The following PMF1 variants were observed in gnomAD, a reference collection of about 807,000 sequenced individuals.
PMF1 encodes the protein polyamine-modulated factor 1.
In PMF1, 21 loss-of-function variants were observed where a neutral mutation model predicts 26.7. The ratio of observed to expected loss-of-function variants is 0.79; its 90% confidence interval spans 0.56 to 1.13. PMF1 has a LOEUF of 1.13. Among genes scored for constraint, PMF1 ranks in the 50% most tolerant of loss-of-function variants. The probability of loss-of-function intolerance (pLI) is 0.00; values close to 1 mark genes in which losing one functional copy is unlikely to be tolerated. For synonymous variants in PMF1, 105 were observed against 101.0 expected (o/e 1.04, Z -0.24); for missense variants, 266 against 254.9 (o/e 1.04, Z -0.30).
chr1:156,231,982 G>T (rs1176904069), intron 1 of PMF1, among the ~76,000 whole-genome samples: 1 of 152,194 alleles, frequency 6.6e-6, no homozygotes, highest in Non-Finnish European at 1.5e-5. Context: ...ATGACCAGAG[G>T]CTCTCAAAGT....
At chr1:156,236,588 G>A (rs1572507009) in intron 4 of PMF1, 105 bp downstream of exon 4, 2 of 1,421,912 alleles carry the variant, frequency 1.4e-6, no homozygotes, top group African/African-American at 1.4e-5. Flanking sequence ...CCCACAGGGG[G>A]TAGGAGAGCT....
intron 1 of PMF1, among the ~76,000 whole-genome samples, chr1:156,217,829 A>C (rs1657862187): frequency 6.6e-6 from 1 of 152,086 alleles, no homozygotes; most frequent in Non-Finnish European, 1.5e-5. Context: ...TGCATCCACC[A>C]CTTACCCATT....
At chr1:156,229,590 G>C (rs2758604) in intron 1 of PMF1, among the ~76,000 whole-genome samples, 14,013 of 150,056 alleles carry the variant, frequency 0.093, 898 homozygotes, top group African/African-American at 0.18. Context: ...TTTTTTTTGA[G>C]ATGGAGTGTC....
intron 4 of PMF1, 163 bp downstream of exon 4, chr1:156,236,646 G>T: frequency 1.1e-6 from 1 of 917,452 alleles, no homozygotes. Flanking sequence ...GGCGTGTGCA[G>T]TAGCCTCTGC....
At chr1:156,217,818 A>G (rs1441330151) in intron 1 of PMF1, among the ~76,000 whole-genome samples, 5 of 152,106 alleles carry the variant, frequency 3.3e-5, no homozygotes, top group African/African-American at 9.7e-5. Flanking sequence ...AGTCCTTGAT[A>G]TGCATCCACC....
chr1:156,226,431 C>A (rs982077954), intron 1 of PMF1, among the ~76,000 whole-genome samples: 2 of 152,204 alleles, frequency 1.3e-5, no homozygotes, highest in African/African-American at 4.8e-5. Context: ...CTGGTTCTTA[C>A]CCCTGCTGGG....
At chr1:156,236,194 T>C (rs1658999706) in intron 3 of PMF1, 94 bp from the exon 4 acceptor site, 1 of 1,514,722 alleles carries the variant, frequency 6.6e-7, no homozygotes, top group Admixed American at 2.0e-5. Flanking sequence ...TGGGACAAGG[T>C]GGGCATGTCA....
chr1:156,213,079 T>A lies in PMF1; in HGVS notation c.64T>A (p.Ser22Thr). Residue 22 changes from serine (S) to threonine (T), a missense_variant, in exon 1 of 5, where the codon TCT (serine) becomes ACT (threonine). By Grantham distance (58) the Ser-to-Thr change is moderately conservative. Transcript: ENST00000368277. ...GCEEKRHEGSSSESVPPGTTI... is the reference protein window; with the variant it reads ...GCEEKRHEGSTSESVPPGTTI... ...TGAGGAAAAAAGGCATGAGGGGTCG[T>A]CTTCGGAATCTGTGCCACCCGGCAC... 1 of 1,614,212 alleles carries A rather than the reference T, an allele frequency of 6.2e-7. No individual in the cohort carries two copies. Among genetic ancestry groups the A allele is most frequent in the South Asian group, 1.1e-5 (1 of 91,078 alleles).
chr1:156,224,748 A>AG (rs1658262620), intron 1 of PMF1, among the ~76,000 whole-genome samples: 1 of 151,846 alleles, frequency 6.6e-6, no homozygotes. Flanking sequence ...TGGGCGACAG[A>AG]GTGAGACTCC....
intron 1 of PMF1, among the ~76,000 whole-genome samples, chr1:156,219,504 T>TGTCTCTGCCA (rs1657965994): frequency 6.6e-6 from 1 of 152,226 alleles, no homozygotes; most frequent in Non-Finnish European, 1.5e-5. Context: ...CCGATCTGCC[T>TGTCTCTGCCA]GTCTCTGCCA....
intron 1 of PMF1, chr1:156,223,262 C>T (rs1658181940): frequency 6.6e-6 from 1 of 152,282 alleles, no homozygotes; most frequent in African/African-American, 2.4e-5. Context: ...GTTGTCTCAG[C>T]TGTGCTTCCT....
intron 3 of PMF1, among the ~76,000 whole-genome samples, chr1:156,235,154 C>T (rs893084216): frequency 2.7e-5 from 4 of 150,052 alleles, no homozygotes; most frequent in African/African-American, 9.8e-5. Flanking sequence ...GAGTCTCACT[C>T]ATTTGTCCAG....
At chr1:156,215,851 G>A (rs946744252) in intron 1 of PMF1, among the ~76,000 whole-genome samples, 20 of 152,094 alleles carry the variant, frequency 1.3e-4, no homozygotes, top group Non-Finnish European at 2.5e-4. Flanking sequence ...ACCATGCCCA[G>A]CTAATTTTCG....
intron 1 of PMF1, among the ~76,000 whole-genome samples, chr1:156,227,130 C>T (rs546058526): frequency 1.2e-4 from 19 of 152,310 alleles, no homozygotes; most frequent in South Asian, 6.2e-4. Flanking sequence ...GCATTGCAGA[C>T]GGCATCCTTG....
intron 1 of PMF1, among the ~76,000 whole-genome samples, chr1:156,222,806 T>G (rs1490970068): frequency 2.2e-5 from 3 of 137,650 alleles, no homozygotes; most frequent in Non-Finnish European, 4.8e-5. Flanking sequence ...CGTGAGTGTA[T>G]GGCGACAGTT....
At chr1:156,217,685 G>A (rs11803206) in intron 1 of PMF1, among the ~76,000 whole-genome samples, 6,011 of 148,442 alleles carry the variant, frequency 0.04, 418 homozygotes, top group African/African-American at 0.14. Context: ...CTGAGATTGC[G>A]CCACTGCACT....
rs1242633861 is a variant in PMF1, at chr1:156,239,643, G to C, written c.*42G>C. 9 of 1,564,424 alleles carry C rather than the reference G, an allele frequency of 5.8e-6. No homozygotes were observed. The highest frequency in any genetic ancestry group is 1.4e-5 in the African/African-American group (1 of 74,034). On this transcript the variant is annotated 3_prime_UTR_variant, in exon 5 of 5. Coordinates refer to ENST00000368277, the MANE Select transcript of PMF1 (RefSeq NM_007221.4). ...AGAAGCAGAGGGCAGTCAAGGTCAA[G>C]AGCCTGTGGTCCAGCATGCCTGGCC... is the stretch of plus-strand genomic sequence containing the variant.
Position 156,229,056 on chromosome 1 carries a change from G to GCC in PMF1, c.162-3264_162-3263insCC, listed in dbSNP as rs1439326760. On this transcript the variant is annotated intron_variant, in intron 1 of 4. Transcript: ENST00000368277. ...CCTGAGTAGCTGGGACTACAGGCAT[G>GCC]TGCCACCACGCCCAGCTAATTTTTT... 5.3e-5 allele frequency among the ~76,000 whole-genome samples: 8 copies of GCC among 152,098 alleles called. No homozygotes were observed. The East Asian group carries it at 1.5e-3, about 29-fold the overall frequency.
chr1:156,234,817 GT>G (rs1298312496), intron 3 of PMF1, among the ~76,000 whole-genome samples: 1 of 151,962 alleles, frequency 6.6e-6, no homozygotes, highest in Non-Finnish European at 1.5e-5. Context: ...CCTCGATACT[GT>G]TTTAGATGCC....
Sources: gnomAD v4.1 joint callset for allele counts (sites outside exome capture counted in the v4.1 genomes callset) on GRCh38, gnomAD v4.1.1 for gene constraint, MANE v1.5 for transcripts, NCBI Gene and HGNC (gene_info 2026-07-23, HGNC 2026-07-21) for gene names.